ADNP2: variants seen among roughly 807,000 people sequenced by gnomAD.
ADNP2 encodes activity-dependent neuroprotector homeobox protein 2.
ADNP2 carries 8 observed loss-of-function variants against 16.4 expected under a neutral mutation model. The observed-to-expected ratio is 0.49, with a 90% CI of 0.29 to 0.88. The LOEUF is 0.88. ADNP2 is among the 40% of genes least tolerant of loss of function. The pLI, the probability that ADNP2 is intolerant of heterozygous loss-of-function variation, is 0.09. For missense variants in ADNP2, 1,397 were observed against 1,395.1 expected (o/e 1.00, Z -0.02); for synonymous variants, 637 against 545.8 (o/e 1.17, Z -2.33).
chr18:80,114,108 G>C (rs1048516562), intron 1 of ADNP2, among the ~76,000 whole-genome samples: 1 of 151,098 alleles, frequency 6.6e-6, no homozygotes, highest in Non-Finnish European at 1.5e-5. Context: ...CAGGAGGATT[G>C]CTTGAGGTTG....
Position 80,139,267 on chromosome 18 carries a change from G to A in ADNP2, c.*458G>A, listed in dbSNP as rs1051527982. On this transcript the variant is annotated 3_prime_UTR_variant, in exon 4 of 4. Coordinates refer to ENST00000262198, the MANE Select transcript of ADNP2 (RefSeq NM_014913.4). The stretch of plus-strand genomic sequence containing the variant: ...TGGTACAGTGAGTGTTCAGAGACGT[G>A]GGTACAAACCCTGTGATGTATGTAT... 1 of 153,778 alleles carries A rather than the reference G, an allele frequency of 6.5e-6. No homozygotes were observed. Among genetic ancestry groups the A allele is most frequent in the African/African-American group, 2.4e-5 (1 of 41,470 alleles). 9.5% of individuals were successfully genotyped at this position (153,778 alleles called of 1,614,324 possible).
At chr18:80,135,390 G>C (rs2145213346) in intron 3 of ADNP2, among the ~76,000 whole-genome samples, 1 of 152,212 alleles carries the variant, frequency 6.6e-6, no homozygotes, top group East Asian at 1.9e-4. Context: ...TGGCAGTGCT[G>C]AGTAGTTGCC....
intron 2 of ADNP2, among the ~76,000 whole-genome samples, chr18:80,121,949 C>G (rs777277193): frequency 6.6e-6 from 1 of 151,740 alleles, no homozygotes; most frequent in Non-Finnish European, 1.5e-5. Context: ...CTGAGTCTTG[C>G]TCTGTCACCC....
rs755507497 is a variant in ADNP2, at chr18:80,137,320, C to T, written c.1907C>T (p.Pro636Leu). The T allele has an allele frequency of 2.0e-5, 32 of 1,613,844 alleles. No individual in the cohort carries two copies. Among genetic ancestry groups the T allele is most frequent in the African/African-American group, 6.7e-5 (5 of 74,940 alleles). The stretch of plus-strand genomic sequence containing the variant: ...CCTGGAGGCCTTGCGACTGTCGCTC[C>T]GCCCCAGATGCCCATCCAGCTCCTG... ...VPPGGLATVA[P>L]PQMPIQLLPS... is the part of the protein sequence containing the mutation. The change falls in exon 4 of 4, where the codon CCG becomes CTG. Residue 636 changes from proline to leucine, a missense_variant. Pro to Leu is a moderately conservative substitution (Grantham distance 98). Transcript: ENST00000262198. The surrounding 1 kb of genome is among the most constrained non-coding windows in gnomAD (Gnocchi z 4.2).
At chr18:80,132,253 C>T (rs1486405034) in intron 2 of ADNP2, among the ~76,000 whole-genome samples, 3 of 152,166 alleles carry the variant, frequency 2.0e-5, no homozygotes, top group Non-Finnish European at 4.4e-5. Context: ...TCCTCTGTAT[C>T]CAGGGGTTCT....
chr18:80,134,333 T>G (rs557715926), intron 3 of ADNP2, among the ~76,000 whole-genome samples: 2 of 151,800 alleles, frequency 1.3e-5, no homozygotes, highest in African/African-American at 4.8e-5. Context: ...CACTCCAGCC[T>G]CAGTAACAGA....
In ADNP2 at chr18:80,136,427, G is replaced by A. The variant is rs1182231559; in HGVS notation, c.1014G>A (p.Leu338=). ...QSHMTLVSSP[L]PVGQNSLTLQ... ...ACATGACTCTGGTCTCCAGCCCTCT[G>A]CCTGTGGGCCAGAACAGCCTCACCC... The change falls in exon 4 of 4, where the codon CTG becomes CTA. Residue 338 remains leucine, a synonymous_variant. Transcript: ENST00000262198. 1.9e-6 allele frequency: 3 copies of A among 1,614,104 alleles called. No individual in the cohort carries two copies. Among genetic ancestry groups the A allele is most frequent in the Non-Finnish European group, 1.7e-6 (2 of 1,179,994 alleles).
intron 2 of ADNP2, among the ~76,000 whole-genome samples, chr18:80,120,840 A>C (rs925672586): frequency 6.6e-6 from 1 of 152,106 alleles, no homozygotes; most frequent in Non-Finnish European, 1.5e-5. Flanking sequence ...TTTTTAGTAG[A>C]GATGGGGTTT....
chr18:80,135,341 C>G (rs1265259759), intron 3 of ADNP2, among the ~76,000 whole-genome samples: 1 of 152,160 alleles, frequency 6.6e-6, no homozygotes, highest in Non-Finnish European at 1.5e-5. Context: ...TTTATTGGAA[C>G]ATAAATTACA....
intron 1 of ADNP2, among the ~76,000 whole-genome samples, chr18:80,110,459 C>CA (rs2052350628): frequency 6.6e-6 from 1 of 151,998 alleles, no homozygotes; most frequent in Non-Finnish European, 1.5e-5. Flanking sequence ...AGGTAACTGA[C>CA]AATGCAGATT....
Position 80,138,456 on chromosome 18 carries a change from G to A in ADNP2, c.3043G>A (p.Val1015Met). 2.5e-6 allele frequency: 4 copies of A among 1,614,080 alleles called. No homozygotes were observed. Among genetic ancestry groups the A allele is most frequent in the Non-Finnish European group, 3.4e-6 (4 of 1,180,032 alleles). Reference protein sequence around the residue: ...APGPEKVTSVVPFKRQRNESR... With the variant: ...APGPEKVTSVMPFKRQRNESR... ...GGGTCCAGAAAAGGTGACGAGTGTT[G>A]TGCCTTTTAAAAGACAAAGGAATGA... The change falls in exon 4 of 4, where the codon GTG becomes ATG. Residue 1015 changes from valine to methionine, a missense_variant. Transcript: ENST00000262198.
In ADNP2 at chr18:80,138,899, G is replaced by A. The variant is rs539154767; in HGVS notation, c.*90G>A. On this transcript the variant is annotated 3_prime_UTR_variant, in exon 4 of 4. Coordinates refer to ENST00000262198, the MANE Select transcript of ADNP2 (RefSeq NM_014913.4). ...ACAGTGTTGTCCTCACTGTGTTGGT[G>A]AATCAACCTCAGTGGTCACTGTGCT... 112 of 1,218,884 alleles carry A rather than the reference G, an allele frequency of 9.2e-5. No individual in the cohort carries two copies. In the African/African-American group the frequency reaches 1.6e-3, roughly 17 times the overall value. The allele number at this position is 1,218,884 out of a possible 1,614,324, so 75.5% of individuals were successfully genotyped here.
At chr18:80,135,385 G>C (rs1474380866) in intron 3 of ADNP2, among the ~76,000 whole-genome samples, 1 of 152,226 alleles carries the variant, frequency 6.6e-6, no homozygotes, top group Non-Finnish European at 1.5e-5. Flanking sequence ...AACAATGGCA[G>C]TGCTGAGTAG....
At chr18:80,132,573 C>A (rs1378456277) in intron 2 of ADNP2, among the ~76,000 whole-genome samples, 4 of 151,676 alleles carry the variant, frequency 2.6e-5, no homozygotes, top group African/African-American at 9.7e-5. Flanking sequence ...CAGGTTCATT[C>A]TTTTTCCTTC....
chr18:80,124,214 T>C (rs1350680395), intron 2 of ADNP2, among the ~76,000 whole-genome samples: 2 of 152,228 alleles, frequency 1.3e-5, no homozygotes, highest in Non-Finnish European at 2.9e-5. Flanking sequence ...ATCAAGTTAA[T>C]TTTGTTTGTT....
At position 80,136,448 on chromosome 18, in the gene ADNP2, C is replaced by T. The variant is rs139781476; in HGVS notation, c.1035C>T (p.Leu345=). The T allele has an allele frequency of 1.9e-6, 3 of 1,613,980 alleles. No homozygotes were observed. The highest frequency in any genetic ancestry group is 2.5e-6 in the Non-Finnish European group (3 of 1,180,024). ...CTCTGCCTGTGGGCCAGAACAGCCT[C>T]ACCCTGCAGCCCCCAGCACCTCAGC... ...SSPLPVGQNS[L]TLQPPAPQPV... is the part of the protein sequence containing the mutation. The change falls in exon 4 of 4, where the codon CTC becomes CTT. Residue 345 remains leucine, a synonymous_variant. Coordinates refer to ENST00000262198, the MANE Select transcript of ADNP2 (RefSeq NM_014913.4).
At position 80,138,366 on chromosome 18, in the gene ADNP2, T is replaced by C; in HGVS notation, c.2953T>C (p.Leu985=). 1 of 1,614,076 alleles carries C rather than the reference T, an allele frequency of 6.2e-7. No homozygotes were observed. The highest frequency in any genetic ancestry group is 1.1e-5 in the South Asian group (1 of 91,088). ...TAAGAGAAAGCTGCCTGACGGCCAC[T>C]TAGGGGCCGAAGACCAGCGGCATGG... The part of the protein sequence containing the change: ...SVKRKLPDGH[L]GAEDQRHGEE... The change falls in exon 4 of 4, where the codon TTA becomes CTA. Residue 985 remains leucine, a synonymous_variant. Transcript: ENST00000262198.
rs1173898218 is a variant in ADNP2 at position 80,133,123 on chromosome 18, A to C, written c.129A>C (p.Pro43=). The change falls in exon 3 of 4, where the codon CCA becomes CCC. Residue 43 remains proline, a synonymous_variant. Transcript: ENST00000262198. ...AAAAGGACCTTAAAGGCTTTGATCC[A>C]GGAGAGAAATACTTTCATAACACAT... ...ELLKDLKGFD[P]GEKYFHNTSW... 2 of 1,609,386 alleles carry C rather than the reference A, an allele frequency of 1.2e-6. No homozygotes were observed. Among genetic ancestry groups the C allele is most frequent in the Admixed American group, 3.4e-5 (2 of 58,846 alleles).
Position 80,136,963 on chromosome 18 carries a change from C to CTGG in ADNP2, c.1551_1553dup (p.Gly518dup). 2 of 1,613,940 alleles carry CTGG rather than the reference C, an allele frequency of 1.2e-6. No homozygotes were observed. Among genetic ancestry groups the CTGG allele is most frequent in the South Asian group, 2.2e-5 (2 of 91,064 alleles). On this transcript the variant is annotated inframe_insertion, in exon 4 of 4. Coordinates refer to ENST00000262198, the MANE Select transcript of ADNP2 (RefSeq NM_014913.4). ...ATCTCTGCAGGCCAGGTGGTCCCGTCTGGGCTTCTTTCTCCCAACCAGACA... is the reference window on the plus strand; with the variant it reads ...ATCTCTGCAGGCCAGGTGGTCCCGTCTGGTGGGCTTCTTTCTCCCAACCAGACA...
Sources: gnomAD v4.1 joint callset for allele counts (sites outside exome capture counted in the v4.1 genomes callset) on GRCh38, gnomAD v4.1.1 for gene constraint, Gnocchi (gnomAD v3.1) non-coding constraint, MANE v1.5 for transcripts, NCBI Gene and HGNC (gene_info 2026-07-23, HGNC 2026-07-21) for gene names.